The following LY86 variants were observed in gnomAD, a reference collection of about 807,000 sequenced individuals.
LY86 encodes the protein lymphocyte antigen 86.
A neutral mutation model predicts 17.3 loss-of-function variants in LY86; 20 were observed. The ratio of observed to expected loss-of-function variants is 1.15; its 90% CI spans 0.81 to 1.68. The LOEUF (loss-of-function observed/expected upper bound fraction) is 1.68, where lower values mean the gene tolerates loss of function less well. Among genes scored for constraint, LY86 ranks in the 40% most tolerant of loss-of-function variants. The pLI is 0.00. For missense variants in LY86, 200 were observed against 191.9 expected, an observed-to-expected ratio of 1.04 and a Z score of -0.25; for synonymous variants, 74 against 70.6, an observed-to-expected ratio of 1.05 and a Z score of -0.24.
chr6:6,597,898 G>A (rs1760765920), intron 1 of LY86, among the ~76,000 whole-genome samples: 1 of 152,246 alleles, frequency 6.6e-6, no homozygotes, highest in Admixed American at 6.5e-5. Flanking sequence ...TCTCTTATTT[G>A]AAACCTGACA....
chr6:6,613,279 C>T (rs955450091), intron 1 of LY86, among the ~76,000 whole-genome samples: 2 of 152,228 alleles, frequency 1.3e-5, no homozygotes, highest in African/African-American at 2.4e-5. Flanking sequence ...TGCGCCCGCA[C>T]TCCTCAGCCC....
chr6:6,601,267 G>A (rs550954742), intron 1 of LY86, among the ~76,000 whole-genome samples: 46 of 152,146 alleles, frequency 3.0e-4, no homozygotes, highest in African/African-American at 7.2e-4. Context: ...AACAGGCAAC[G>A]GAGAGAGAAG....
chr6:6,591,640 A>G (rs1760533707), intron 1 of LY86, among the ~76,000 whole-genome samples: 1 of 152,244 alleles, frequency 6.6e-6, no homozygotes, highest in Non-Finnish European at 1.5e-5. Context: ...TGTTATGACT[A>G]GTGAACTTTT....
intron 1 of LY86, among the ~76,000 whole-genome samples, chr6:6,593,246 TCCTC>T (rs1380343965): frequency 6.6e-6 from 1 of 152,248 alleles, no homozygotes; most frequent in Non-Finnish European, 1.5e-5. Flanking sequence ...TGAGGCTTCT[TCCTC>T]CATCTTCAAA....
At chr6:6,646,418 C>A (rs1169764783) in intron 3 of LY86, among the ~76,000 whole-genome samples, 1 of 152,188 alleles carries the variant, frequency 6.6e-6, no homozygotes, top group African/African-American at 2.4e-5. Flanking sequence ...GACTTCAATA[C>A]TGATGTGGAT....
chr6:6,602,523 C>T (rs1426452905), intron 1 of LY86, among the ~76,000 whole-genome samples: 1 of 152,066 alleles, frequency 6.6e-6, no homozygotes, highest in African/African-American at 2.4e-5. Context: ...TTAGAGTTTC[C>T]TCAGAAATGG....
intron 2 of LY86, 53 bp from the exon 3 acceptor site, chr6:6,626,239 TG>T: frequency 6.3e-7 from 1 of 1,584,534 alleles, no homozygotes; most frequent in Non-Finnish European, 8.6e-7. Flanking sequence ...TGAATGCCTC[TG>T]ATACACAGTG....
rs760340444 is a variant in LY86, at chr6:6,654,664, T to TG, written c.*37_*38insG. 1.4e-5 allele frequency: 21 copies of TG among 1,550,036 alleles called. No individual in the cohort carries two copies. Among genetic ancestry groups the TG allele is most frequent in the Non-Finnish European group, 1.8e-6 (2 of 1,122,186 alleles). On this transcript the variant is annotated 3_prime_UTR_variant, in exon 5 of 5. Coordinates refer to ENST00000230568, the MANE Select transcript of LY86 (RefSeq NM_004271.4). Reference sequence around the variant, plus strand: ...AGCAAAAATCACAGCCAGCTGCATCTCGTGGGACCTCCAAGCTCCTCTGAC... The same window carrying TG: ...AGCAAAAATCACAGCCAGCTGCATCTGCGTGGGACCTCCAAGCTCCTCTGAC...
At chr6:6,603,638 C>A (rs1160319389) in intron 1 of LY86, among the ~76,000 whole-genome samples, 9 of 125,472 alleles carry the variant, frequency 7.2e-5, no homozygotes, top group African/African-American at 1.2e-4. Context: ...ACAAAACACA[C>A]ACACACACAC....
chr6:6,638,529 T>A (rs2113153971), intron 3 of LY86, among the ~76,000 whole-genome samples: 1 of 152,364 alleles, frequency 6.6e-6, no homozygotes, highest in Admixed American at 6.5e-5. Flanking sequence ...ACCAGCCATA[T>A]TTCAAGCTCC....
chr6:6,603,615 C>CAAAAAAAAAAAAAAAAAAAAA (rs1221531073), intron 1 of LY86, among the ~76,000 whole-genome samples: 1 of 114,174 alleles, frequency 8.8e-6, no homozygotes, highest in African/African-American at 3.4e-5. Flanking sequence ...GAAAAAAAAA[C>CAAAAAAAAAAAAAAAAAAAAA]AAACAAAAAA....
At chr6:6,641,545 CAAAG>C (rs1350926173) in intron 3 of LY86, among the ~76,000 whole-genome samples, 1 of 152,190 alleles carries the variant, frequency 6.6e-6, no homozygotes, top group Admixed American at 6.5e-5. Context: ...TCAGAGAATT[CAAAG>C]AGATAATCCA....
intron 3 of LY86, among the ~76,000 whole-genome samples, chr6:6,637,676 C>A (rs1292344595): frequency 1.3e-5 from 2 of 152,126 alleles, no homozygotes; most frequent in African/African-American, 4.8e-5. Flanking sequence ...ACTAAACATC[C>A]CGAGAGCCCT....
chr6:6,638,674 A>G (rs1370897452), intron 3 of LY86, among the ~76,000 whole-genome samples: 1 of 152,016 alleles, frequency 6.6e-6, no homozygotes, highest in African/African-American at 2.4e-5. Flanking sequence ...TATTATTATT[A>G]TACTTTAAGT....
rs1426242128 is a variant in LY86 at position 6,624,908 on chromosome 6, T to C, written c.137-18T>C. On this transcript the variant is annotated intron_variant, in intron 1 of 4. Transcript: ENST00000230568. ...ATACGATGTACTCGCAACTAATCTA[T>C]TGTTTTCTTCTTCGTAGATCCATTA... 7.7e-7 allele frequency: 1 copy of C among 1,304,876 alleles called. No homozygotes were observed. The highest frequency in any genetic ancestry group is 1.5e-5 in the African/African-American group (1 of 68,434). 80.8% of individuals were successfully genotyped at this position (1,304,876 alleles called of 1,614,324 possible).
At chr6:6,622,176 A>C (rs1761696526) in intron 1 of LY86, among the ~76,000 whole-genome samples, 1 of 152,172 alleles carries the variant, frequency 6.6e-6, no homozygotes, top group East Asian at 1.9e-4. Flanking sequence ...TTTGTTCTTT[A>C]TTGAGATTAT....
intron 1 of LY86, among the ~76,000 whole-genome samples, chr6:6,603,619 C>CAAAA (rs758614233): frequency 8.5e-6 from 1 of 117,670 alleles, no homozygotes; most frequent in African/African-American, 3.1e-5. Context: ...AAAAAACAAA[C>CAAAA]AAAAAAAAAC....
chr6:6,627,580 T>A (rs1270212776), intron 3 of LY86, among the ~76,000 whole-genome samples: 2 of 152,184 alleles, frequency 1.3e-5, no homozygotes, highest in East Asian at 3.9e-4. Flanking sequence ...GACCACGAGC[T>A]GCTTGAGGGT....
chr6:6,607,659 G>A (rs1317355490), intron 1 of LY86, among the ~76,000 whole-genome samples: 1 of 151,578 alleles, frequency 6.6e-6, no homozygotes, highest in East Asian at 1.9e-4. Flanking sequence ...CAGCACTTTG[G>A]GAGGCTGAGG....
Sources: allele counts gnomAD v4.1 joint callset (sites outside exome capture counted in the v4.1 genomes callset), GRCh38; gene constraint gnomAD v4.1.1; transcripts MANE v1.5; gene names NCBI Gene and HGNC (gene_info 2026-07-23, HGNC 2026-07-21).